Variants in KCNJ6 observed in about 807,000 individuals in gnomAD.
The protein encoded by KCNJ6 is potassium inwardly rectifying channel subfamily J member 6.
Under a neutral mutation model 34.2 loss-of-function variants are expected in KCNJ6, and 9 were observed. The observed-to-expected ratio is 0.26, with a 90% CI of 0.16 to 0.46. The LOEUF (loss-of-function observed/expected upper bound fraction) is 0.46. KCNJ6 is among the 20% of genes least tolerant of loss of function. The probability of loss-of-function intolerance (pLI) is 1.00; values close to 1 mark genes in which losing one functional copy is unlikely to be tolerated. For missense variants in KCNJ6, 236 were observed against 531.3 expected, an observed-to-expected ratio of 0.44 and a Z score of 5.46; for synonymous variants, 196 against 207.1, an observed-to-expected ratio of 0.95 and a Z score of 0.46.
At chr21:37,902,736 CAG>C (rs1364059708) in intron 1 of KCNJ6, among the ~76,000 whole-genome samples, 1 of 152,188 alleles carries the variant, frequency 6.6e-6, no homozygotes, top group African/African-American at 2.4e-5. Flanking sequence ...ACCCCACAGA[CAG>C]TGCCCATGGT....
Position 37,614,236 on chromosome 21 carries a change from A to G in KCNJ6, c.*10923T>C, listed in dbSNP as rs1479798239. The G allele has an allele frequency of 6.6e-6, 1 of 152,170 alleles. No individual in the cohort carries two copies. The highest frequency in any genetic ancestry group is 1.5e-5 in the Non-Finnish European group (1 of 68,024). The allele number at this position is 152,170 out of a possible 1,614,324, so 9.4% of individuals were successfully genotyped here. The stretch of plus-strand genomic sequence containing the variant: ...AGGCTGTTGCCTGCAGGTTCAGGGA[A>G]GTGTATGGTACATTTTTAAAATAAT... On this transcript the variant is annotated 3_prime_UTR_variant, in exon 4 of 4. Coordinates refer to ENST00000609713, the MANE Select transcript of KCNJ6 (RefSeq NM_002240.5).
intron 2 of KCNJ6, among the ~76,000 whole-genome samples, chr21:37,805,092 T>G (rs1423790755): frequency 6.6e-6 from 1 of 152,030 alleles, no homozygotes; most frequent in Non-Finnish European, 1.5e-5. Context: ...AGAAAAGAGA[T>G]AAGGGATTGC....
At chr21:37,785,075 G>A (rs377157670) in intron 2 of KCNJ6, among the ~76,000 whole-genome samples, 20 of 152,296 alleles carry the variant, frequency 1.3e-4, no homozygotes, top group African/African-American at 4.6e-4. Flanking sequence ...TCACTGCAGA[G>A]CCTCGGGAGC....
Position 37,624,817 on chromosome 21 carries a change from C to T in KCNJ6, c.*342G>A. On this transcript the variant is annotated 3_prime_UTR_variant, in exon 4 of 4. Coordinates refer to ENST00000609713, the MANE Select transcript of KCNJ6 (RefSeq NM_002240.5). ...TTGCTTGTCATATCCCAGGTAAAAT[C>T]TTTGACACACCTTTTTGAGTGATCT... The T allele has an allele frequency of 4.3e-6, 1 of 231,846 alleles. No individual in the cohort carries two copies. The highest frequency in any genetic ancestry group is 8.4e-6 in the Non-Finnish European group (1 of 119,452). 14.4% of individuals were successfully genotyped at this position (231,846 alleles called of 1,614,324 possible). A position where few individuals can be genotyped will look rare whatever the true frequency, so the allele number is the denominator to read the frequency against.
intron 3 of KCNJ6, among the ~76,000 whole-genome samples, chr21:37,703,015 A>T (rs78541636): frequency 0.032 from 4,891 of 152,236 alleles, 267 homozygotes; most frequent in African/African-American, 0.11. Flanking sequence ...AAAGTGGCGA[A>T]GGAGAGGACA....
chr21:37,669,653 T>C (rs2054533182), intron 3 of KCNJ6, among the ~76,000 whole-genome samples: 1 of 152,042 alleles, frequency 6.6e-6, no homozygotes, highest in Non-Finnish European at 1.5e-5. Context: ...ACAACAATGC[T>C]TTGGACATTT....
At position 37,621,456 on chromosome 21, in the gene KCNJ6, A is replaced by G. The variant is rs1020751680; in HGVS notation, c.*3703T>C. The G allele has an allele frequency of 1.3e-5, 2 of 152,260 alleles. No homozygotes were observed. Among genetic ancestry groups the G allele is most frequent in the Non-Finnish European group, 2.9e-5 (2 of 68,048 alleles). 9.4% of individuals were successfully genotyped at this position (152,260 alleles called of 1,614,324 possible). A position where few individuals can be genotyped will look rare whatever the true frequency, so the allele number is the denominator to read the frequency against. On this transcript the variant is annotated 3_prime_UTR_variant, in exon 4 of 4. Coordinates refer to ENST00000609713, the MANE Select transcript of KCNJ6 (RefSeq NM_002240.5). ...TAAATAAAAAAGCAAAGGGGAAAAA[A>G]GTAAGAAAACTGAAATGTAAGAAAA...
chr21:37,657,454 A>G (rs1445180770), intron 3 of KCNJ6, among the ~76,000 whole-genome samples: 1 of 152,152 alleles, frequency 6.6e-6, no homozygotes, highest in African/African-American at 2.4e-5. Flanking sequence ...CTTCTCTGCC[A>G]TAAGGACGGG....
intron 1 of KCNJ6, among the ~76,000 whole-genome samples, chr21:37,887,208 A>C (rs2123630410): frequency 6.6e-6 from 1 of 152,076 alleles, no homozygotes; most frequent in African/African-American, 2.4e-5. Context: ...TCTTAGACCA[A>C]CCTTGTAAAG....
intron 1 of KCNJ6, among the ~76,000 whole-genome samples, chr21:37,846,725 T>C (rs959127174): frequency 2.6e-5 from 4 of 152,176 alleles, no homozygotes; most frequent in African/African-American, 9.7e-5. Flanking sequence ...AATACAACCA[T>C]TTAAAGAAAC....
chr21:37,888,637 C>T (rs2055747194), intron 1 of KCNJ6, among the ~76,000 whole-genome samples: 1 of 152,210 alleles, frequency 6.6e-6, no homozygotes, highest in Non-Finnish European at 1.5e-5. Context: ...GTATGGGGCC[C>T]ATGCCCAGCC....
chr21:37,752,941 A>G (rs1057038564), intron 2 of KCNJ6, among the ~76,000 whole-genome samples: 2 of 152,210 alleles, frequency 1.3e-5, no homozygotes, highest in African/African-American at 4.8e-5. Flanking sequence ...AAAAATCCAC[A>G]CACAGGTGTC....
rs190398076 is a variant in KCNJ6, at chr21:37,829,997, C to T, written c.25+10661G>A. On this transcript the variant is annotated intron_variant, in intron 2 of 3. Transcript: ENST00000609713. ...ATGTTCTGGGAGAAAATGGCCAGCTCTGCTCAGAATCAGGGTCCCCGCCTC... is the reference window on the plus strand; with the variant it reads ...ATGTTCTGGGAGAAAATGGCCAGCTTTGCTCAGAATCAGGGTCCCCGCCTC... Among the ~76,000 whole-genome samples the T allele has an allele frequency of 3.9e-4, 60 of 152,324 alleles. 1 individual carries two copies. The highest frequency in any genetic ancestry group is 4.4e-4 in the Non-Finnish European group (30 of 68,008).
chr21:37,784,510 C>G (rs748417469), intron 2 of KCNJ6, among the ~76,000 whole-genome samples: 2 of 152,214 alleles, frequency 1.3e-5, no homozygotes, highest in Admixed American at 6.5e-5. Flanking sequence ...GAAATACGGT[C>G]TTTGCACATG....
At chr21:37,766,470 T>A (rs1462174935) in intron 2 of KCNJ6, among the ~76,000 whole-genome samples, 2 of 152,166 alleles carry the variant, frequency 1.3e-5, no homozygotes, top group African/African-American at 4.8e-5. Context: ...TTAGATCCCA[T>A]TGTAGCCCAT....
intron 1 of KCNJ6, among the ~76,000 whole-genome samples, chr21:37,890,035 G>T (rs541944319): frequency 6.6e-6 from 1 of 152,068 alleles, no homozygotes; most frequent in Non-Finnish European, 1.5e-5. Flanking sequence ...AGATAAATCA[G>T]CCTGAAAAAT....
intron 2 of KCNJ6, among the ~76,000 whole-genome samples, chr21:37,781,300 T>C (rs923206828): frequency 2.0e-5 from 3 of 152,208 alleles, no homozygotes; most frequent in Non-Finnish European, 4.4e-5. Context: ...TATTTTCGTG[T>C]GCCAGCATAA....
intron 1 of KCNJ6, among the ~76,000 whole-genome samples, chr21:37,863,595 C>A (rs1482353178): frequency 6.6e-6 from 1 of 152,144 alleles, no homozygotes; most frequent in Non-Finnish European, 1.5e-5. Context: ...CGTTTTTGTG[C>A]ATCAGGAAAT....
chr21:37,730,804 G>C (rs2054880419), intron 2 of KCNJ6, among the ~76,000 whole-genome samples: 1 of 152,180 alleles, frequency 6.6e-6, no homozygotes, highest in South Asian at 2.1e-4. Flanking sequence ...TGGACTAATT[G>C]GCAAAGGCAT....
Sources: allele counts gnomAD v4.1 joint callset (sites outside exome capture counted in the v4.1 genomes callset), GRCh38; gene constraint gnomAD v4.1.1; transcripts MANE v1.5; gene names NCBI Gene and HGNC (gene_info 2026-07-23, HGNC 2026-07-21).